The following ALMS1 variants were observed in gnomAD, a reference collection of about 807,000 sequenced individuals.
ALMS1 encodes the protein centrosome-associated protein ALMS1.
ALMS1 carries 271 observed loss-of-function variants against 352.2 expected under a neutral mutation model. That is an observed-to-expected ratio of 0.77 (90% CI 0.70 to 0.85). ALMS1 has a LOEUF of 0.85. Among genes scored for constraint, ALMS1 ranks in the 40% least tolerant of loss-of-function variants. The pLI is 0.00. For missense variants in ALMS1, 5,445 were observed against 4,870.7 expected, an observed-to-expected ratio of 1.12 and a Z score of -3.51; for synonymous variants, 1,865 against 1,761.2, an observed-to-expected ratio of 1.06 and a Z score of -1.48.
chr2:73,408,199 G>A (rs1440178491), intron 1 of ALMS1, among the ~76,000 whole-genome samples: 2 of 152,150 alleles, frequency 1.3e-5, no homozygotes, highest in East Asian at 1.9e-4. Flanking sequence ...TGGTCACAAC[G>A]TTTATTGCCT....
intron 1 of ALMS1, among the ~76,000 whole-genome samples, chr2:73,393,562 A>G (rs374199002): frequency 1.3e-5 from 2 of 150,056 alleles, no homozygotes; most frequent in African/African-American, 2.5e-5. Context: ...CCACTCTCAC[A>G]CTCCCCACCC....
At chr2:73,464,213 T>G (rs908836962) in intron 9 of ALMS1, among the ~76,000 whole-genome samples, 2 of 152,126 alleles carry the variant, frequency 1.3e-5, no homozygotes, top group Non-Finnish European at 2.9e-5. Flanking sequence ...ACTGGCAAAC[T>G]GAATCCAGCA....
chr2:73,421,543 G>C (rs1010185836), intron 3 of ALMS1, among the ~76,000 whole-genome samples: 2 of 152,060 alleles, frequency 1.3e-5, no homozygotes, highest in Non-Finnish European at 2.9e-5. Context: ...TTACATATCA[G>C]TTTTTCATTT....
At chr2:73,535,813 A>G (rs1674015114) in intron 12 of ALMS1, among the ~76,000 whole-genome samples, 1 of 152,176 alleles carries the variant, frequency 6.6e-6, no homozygotes, top group South Asian at 2.1e-4. Flanking sequence ...TCGACGGGAT[A>G]TGACTTGATT....
chr2:73,420,227 G>A (rs1671257417), intron 3 of ALMS1, among the ~76,000 whole-genome samples: 1 of 152,010 alleles, frequency 6.6e-6, no homozygotes, highest in South Asian at 2.1e-4. Context: ...TGATGCTAGG[G>A]GTATATAGAT....
chr2:73,419,273 C>A lies in ALMS1; in HGVS notation c.601C>A (p.Gln201Lys), dbSNP rs376989302. The A allele has an allele frequency of 2.5e-6, 4 of 1,613,904 alleles. No homozygotes were observed. In the African/African-American group the frequency reaches 4.0e-5, roughly 16 times the overall value. The change falls in exon 3 of 23, where the codon CAA becomes AAA. Residue 201 changes from glutamine (Q) to lysine (K), a missense_variant. By Grantham distance (53) the Gln-to-Lys change is moderately conservative. Transcript: ENST00000613296. ...GGGCATATTGACGCAATCAGAAAAT[C>A]AAGTAAAGGAACCCAACAGAGATCT... is the stretch of plus-strand genomic sequence containing the variant. ...EEGILTQSEN[Q>K]VKEPNRDLFC...
intron 10 of ALMS1, among the ~76,000 whole-genome samples, chr2:73,503,144 A>T (rs1673251245): frequency 6.6e-6 from 1 of 152,010 alleles, no homozygotes; most frequent in African/African-American, 2.4e-5. Flanking sequence ...CATGTGCACA[A>T]TGTGCAGGTT....
rs755401614 is a variant in ALMS1 at position 73,557,353 on chromosome 2, A to G, written c.10212A>G (p.Ala3404=). 3.1e-6 allele frequency: 5 copies of G among 1,613,958 alleles called. No homozygotes were observed. Among genetic ancestry groups the G allele is most frequent in the Middle Eastern group, 1.6e-4 (1 of 6,084 alleles). ...KEKESLQKDT[A]DSSAAAAAEH... is the part of the protein sequence containing the mutation. ...AAGAATCTTTGCAGAAAGATACTGC[A>G]GGTAGCTAAACTGGATTGTCTGCGT... Residue 3404 remains alanine (A), a splice_region_variant and synonymous_variant, in exon 14 of 23, where the codon GCA becomes GCG. Transcript: ENST00000613296.
Position 73,432,273 on chromosome 2 carries a change from C to T in ALMS1, c.1414C>T (p.Pro472Ser). The change falls in exon 7 of 23, where the codon CCT (proline) becomes TCT (serine). Residue 472 changes from proline to serine, a missense_variant. Transcript: ENST00000613296. The stretch of plus-strand genomic sequence containing the variant: ...GTCTCCTGACACTGTGCCAAAGGCT[C>T]CTAAACATTTAAAAGCAGGTACGTA... ...RMSPDTVPKAPKHLKAGDTSK... is the reference protein window; with the variant it reads ...RMSPDTVPKASKHLKAGDTSK... 1 of 1,611,834 alleles carries T rather than the reference C, an allele frequency of 6.2e-7. No homozygotes were observed. The highest frequency in any genetic ancestry group is 8.5e-7 in the Non-Finnish European group (1 of 1,178,284).
intron 13 of ALMS1, among the ~76,000 whole-genome samples, chr2:73,552,792 G>A (rs1674466081): frequency 6.6e-6 from 1 of 152,116 alleles, no homozygotes; most frequent in South Asian, 2.1e-4. Flanking sequence ...AATGACCTAT[G>A]TAATAGCTAA....
intron 16 of ALMS1, among the ~76,000 whole-genome samples, chr2:73,575,023 T>G (rs1345560387): frequency 6.6e-6 from 1 of 152,228 alleles, no homozygotes; most frequent in Admixed American, 6.5e-5. Context: ...TCATTTAATA[T>G]ATGACCTTGG....
chr2:73,386,287 A>G, intron 1 of ALMS1, 95 bp downstream of exon 1: 2 of 1,404,866 alleles, frequency 1.4e-6, no homozygotes, highest in Non-Finnish European at 1.9e-6. Flanking sequence ...ACGCCGCCTG[A>G]CGGAGAAAAC....
At chr2:73,595,900 T>C (rs1249784338) in intron 16 of ALMS1, among the ~76,000 whole-genome samples, 2 of 152,240 alleles carry the variant, frequency 1.3e-5, no homozygotes, top group Non-Finnish European at 2.9e-5. Context: ...GTTGAACATT[T>C]TGTGTGCTTA....
At chr2:73,445,531 G>T (rs1000991419) in intron 7 of ALMS1, among the ~76,000 whole-genome samples, 2 of 152,116 alleles carry the variant, frequency 1.3e-5, no homozygotes, top group Non-Finnish European at 2.9e-5. Context: ...TTAGTCATAT[G>T]TAAAATGGAA....
In ALMS1 at chr2:73,565,969, G is replaced by A. The variant is rs116303650; in HGVS notation, c.10385-6293G>A. Among the ~76,000 whole-genome samples the A allele has an allele frequency of 5.5e-3, 840 of 152,140 alleles. 9 individuals are homozygous for A. The highest frequency in any genetic ancestry group is 0.017 in the Middle Eastern group (5 of 294). On this transcript the variant is annotated intron_variant, in intron 15 of 22. Coordinates refer to ENST00000613296, the MANE Select transcript of ALMS1 (RefSeq NM_001378454.1). ...AGAATCCTGGAACAGAAAAAGAACA[G>A]TATGTACAAAACAAGGCAACACAAA...
chr2:73,423,286 A>G (rs1352191266), intron 4 of ALMS1, among the ~76,000 whole-genome samples: 2 of 152,194 alleles, frequency 1.3e-5, no homozygotes, highest in Non-Finnish European at 2.9e-5. Context: ...TCTGCTGCCC[A>G]TCATCTCTCT....
intron 12 of ALMS1, among the ~76,000 whole-genome samples, chr2:73,548,771 G>A (rs2104030248): frequency 6.6e-6 from 1 of 152,254 alleles, no homozygotes; most frequent in South Asian, 2.1e-4. Context: ...GTACTCTTGG[G>A]CAATGGTACA....
intron 9 of ALMS1, among the ~76,000 whole-genome samples, chr2:73,475,906 T>C (rs1672573182): frequency 1.3e-5 from 2 of 152,046 alleles, no homozygotes; most frequent in Admixed American, 1.3e-4. Flanking sequence ...TGATAAAATA[T>C]ACATAAAATT....
chr2:73,486,319 A>T (rs958273565), intron 9 of ALMS1, among the ~76,000 whole-genome samples: 1 of 152,246 alleles, frequency 6.6e-6, no homozygotes, highest in East Asian at 1.9e-4. Flanking sequence ...ACTTTCACTG[A>T]CGCCGCAAGG....
Sources: allele counts gnomAD v4.1 joint callset (sites outside exome capture counted in the v4.1 genomes callset), GRCh38; gene constraint gnomAD v4.1.1; transcripts MANE v1.5; gene names NCBI Gene and HGNC (gene_info 2026-07-23, HGNC 2026-07-21).